Variants in KCNH7 observed in about 807,000 individuals in gnomAD.
The protein encoded by KCNH7 is potassium voltage-gated channel subfamily H member 7.
Under a neutral mutation model 120.8 loss-of-function variants are expected in KCNH7, and 49 were observed. The ratio of observed to expected loss-of-function variants is 0.41; its 90% confidence interval spans 0.32 to 0.51. The LOEUF is 0.51. KCNH7 is among the 20% of genes least tolerant of loss of function. KCNH7 has a pLI of 0.38. For synonymous variants in KCNH7, 547 were observed against 516.1 expected (o/e 1.06, Z -0.81); for missense variants, 1,097 against 1,446.6 (o/e 0.76, Z 3.92).
In KCNH7 at chr2:162,437,868, C is replaced by T. The variant is rs146558462; in HGVS notation, c.1555-2271G>A. 1.8e-4 allele frequency among the ~76,000 whole-genome samples: 28 copies of T among 152,196 alleles called. No individual in the cohort carries two copies. The East Asian group carries it at 5.2e-3, about 28-fold the overall frequency. On this transcript the variant is annotated intron_variant, in intron 7 of 15. Coordinates refer to ENST00000332142, the MANE Select transcript of KCNH7 (RefSeq NM_033272.4). ...GCCTTTCCGTACTGGCCTTGCAGCT[C>T]GCCTCAAGAAATGGCAGGGGCATTG...
chr2:162,417,678 T>A (rs753566519), intron 9 of KCNH7, among the ~76,000 whole-genome samples: 2 of 152,126 alleles, frequency 1.3e-5, no homozygotes, highest in Non-Finnish European at 2.9e-5. Flanking sequence ...GGGCTAAAGG[T>A]CAGATCCTAC....
At chr2:162,616,856 G>A (rs1277536452) in intron 2 of KCNH7, among the ~76,000 whole-genome samples, 4 of 152,032 alleles carry the variant, frequency 2.6e-5, no homozygotes, top group Non-Finnish European at 5.9e-5. Context: ...TCTCCAAAAT[G>A]CCACTTACTT....
At position 162,536,989 on chromosome 2, in the gene KCNH7, C is replaced by A; in HGVS notation, c.399G>T (p.Thr133=). ...CTGGGGTGGCAGCGTTTTCATTATC[C>A]GTCACATATTCAAAATTAATGATGA... ...MMFIINFEYV[T]DNENAATPER... The change falls in exon 3 of 16, where the codon ACG becomes ACT. Residue 133 remains threonine, a synonymous_variant. Coordinates refer to ENST00000332142, the MANE Select transcript of KCNH7 (RefSeq NM_033272.4). The A allele has an allele frequency of 2.5e-6, 4 of 1,612,644 alleles. No individual in the cohort carries two copies. In the South Asian group the frequency reaches 4.4e-5, roughly 18 times the overall value.
intron 6 of KCNH7, among the ~76,000 whole-genome samples, chr2:162,452,699 T>C (rs1334759232): frequency 6.6e-6 from 1 of 152,068 alleles, no homozygotes; most frequent in East Asian, 1.9e-4. Context: ...ACTCATCACC[T>C]TAGGTCTCTT....
intron 6 of KCNH7, among the ~76,000 whole-genome samples, chr2:162,473,426 G>A (rs947922387): frequency 1.3e-5 from 2 of 152,082 alleles, no homozygotes; most frequent in Non-Finnish European, 2.9e-5. Flanking sequence ...TGCATATGAG[G>A]AGAAACATGT....
chr2:162,635,957 T>C (rs978538253), intron 2 of KCNH7, among the ~76,000 whole-genome samples: 2 of 152,036 alleles, frequency 1.3e-5, no homozygotes, highest in Admixed American at 1.3e-4. Flanking sequence ...CGAATAATTC[T>C]TTTTCTCACT....
intron 2 of KCNH7, among the ~76,000 whole-genome samples, chr2:162,555,563 A>C (rs1692824653): frequency 6.6e-6 from 1 of 152,138 alleles, no homozygotes; most frequent in African/African-American, 2.4e-5. Flanking sequence ...TTTACTTTTT[A>C]ATTAGAATTT....
At chr2:162,605,498 A>C (rs1395630162) in intron 2 of KCNH7, among the ~76,000 whole-genome samples, 24 of 152,138 alleles carry the variant, frequency 1.6e-4, no homozygotes, top group Admixed American at 1.6e-3. Flanking sequence ...ATAATGGTCC[A>C]GTGGCCAGCA....
intron 3 of KCNH7, chr2:162,528,449 A>G (rs890520627): frequency 6.6e-6 from 1 of 152,032 alleles, no homozygotes; most frequent in African/African-American, 2.4e-5. Flanking sequence ...AATGCTCCAC[A>G]GATGAAGAGT....
At chr2:162,521,623 A>G (rs569434392) in intron 3 of KCNH7, among the ~76,000 whole-genome samples, 3 of 151,886 alleles carry the variant, frequency 2.0e-5, no homozygotes, top group Non-Finnish European at 4.4e-5. Context: ...ATTAATTATT[A>G]TGGATATAGA....
chr2:162,460,774 C>T (rs755932258), intron 6 of KCNH7, among the ~76,000 whole-genome samples: 3 of 152,090 alleles, frequency 2.0e-5, no homozygotes, highest in Non-Finnish European at 4.4e-5. Context: ...GTTATGGAAG[C>T]CCTAAGAAAA....
chr2:162,753,582 TA>T (rs1293086388), intron 2 of KCNH7, among the ~76,000 whole-genome samples: 5 of 152,146 alleles, frequency 3.3e-5, no homozygotes, highest in African/African-American at 4.8e-5. Context: ...GAATGCCTTA[TA>T]TTTTTTTTCA....
chr2:162,720,484 T>A (rs182479001), intron 2 of KCNH7, among the ~76,000 whole-genome samples: 7 of 152,092 alleles, frequency 4.6e-5, no homozygotes, highest in Non-Finnish European at 7.4e-5. Flanking sequence ...GCTCTATTTT[T>A]AAAAAATCTA....
At chr2:162,386,656 A>G (rs1013181726) in intron 12 of KCNH7, among the ~76,000 whole-genome samples, 8 of 151,870 alleles carry the variant, frequency 5.3e-5, no homozygotes, top group African/African-American at 1.7e-4. Context: ...ATCAAATGCA[A>G]GCTGAATTAA....
chr2:162,464,678 T>C (rs1233572442), intron 6 of KCNH7, among the ~76,000 whole-genome samples: 1 of 152,062 alleles, frequency 6.6e-6, no homozygotes, highest in Non-Finnish European at 1.5e-5. Flanking sequence ...CAGACACATA[T>C]AAATAACAAA....
chr2:162,508,975 A>G (rs1308347846), intron 5 of KCNH7, among the ~76,000 whole-genome samples: 2 of 151,556 alleles, frequency 1.3e-5, no homozygotes, highest in Non-Finnish European at 3.0e-5. Context: ...TCAGAGAAGC[A>G]TTTGCAAGAT....
chr2:162,458,342 A>G (rs1172230544), intron 6 of KCNH7, among the ~76,000 whole-genome samples: 2 of 152,192 alleles, frequency 1.3e-5, no homozygotes, highest in Admixed American at 1.3e-4. Flanking sequence ...ATATATGCAT[A>G]TTAAAAAATA....
chr2:162,395,496 A>C (rs1469777445), intron 11 of KCNH7, among the ~76,000 whole-genome samples: 2 of 151,670 alleles, frequency 1.3e-5, no homozygotes, highest in African/African-American at 4.8e-5. Flanking sequence ...TACCTTGTAA[A>C]TAAAAATGGA....
chr2:162,804,905 C>A (rs1293674646), intron 2 of KCNH7, among the ~76,000 whole-genome samples: 3 of 151,842 alleles, frequency 2.0e-5, no homozygotes, highest in Non-Finnish European at 4.4e-5. Flanking sequence ...GACACATAAA[C>A]CAATGGAACA....
Sources: allele counts gnomAD v4.1 joint callset (sites outside exome capture counted in the v4.1 genomes callset), GRCh38; gene constraint gnomAD v4.1.1; transcripts MANE v1.5; gene names NCBI Gene and HGNC (gene_info 2026-07-23, HGNC 2026-07-21).